The following VMP1 variants were observed in gnomAD, a reference collection of about 807,000 sequenced individuals.
VMP1 encodes the protein ectopic P-granules autophagy protein 3 homolog.
VMP1 carries 11 observed loss-of-function variants against 56.0 expected under a neutral mutation model. The observed-to-expected ratio is 0.20, with a 90% CI of 0.12 to 0.32. The LOEUF (loss-of-function observed/expected upper bound fraction) is 0.32, where lower values mean the gene tolerates loss of function less well. VMP1 is among the 10% of genes least tolerant of loss of function. The pLI, the probability that VMP1 is intolerant of heterozygous loss-of-function variation, is 1.00. For synonymous variants in VMP1, 149 were observed against 165.0 expected, an observed-to-expected ratio of 0.90 and a Z score of 0.74; for missense variants, 296 against 490.3, an observed-to-expected ratio of 0.60 and a Z score of 3.74.
intron 7 of VMP1, among the ~76,000 whole-genome samples, chr17:59,775,723 C>T (rs1261796689): frequency 6.6e-6 from 1 of 152,228 alleles, no homozygotes; most frequent in East Asian, 1.9e-4. Flanking sequence ...GTATTCTAGA[C>T]AGTGTCCTCA....
At chr17:59,741,442 G>T (rs1434181192) in intron 5 of VMP1, among the ~76,000 whole-genome samples, 2 of 152,062 alleles carry the variant, frequency 1.3e-5, no homozygotes, top group East Asian at 3.9e-4. Context: ...ACAAAAGATG[G>T]TATAGATCTT....
rs1236183511 is a variant in VMP1, at chr17:59,765,082, G to A, written c.526G>A (p.Gly176Arg). The A allele has an allele frequency of 3.1e-6, 5 of 1,613,970 alleles. No individual in the cohort carries two copies. The highest frequency in any genetic ancestry group is 3.4e-6 in the Non-Finnish European group (4 of 1,180,000). The change falls in exon 6 of 12, where the codon GGA becomes AGA. Residue 176 changes from glycine (G) to arginine (R), a missense_variant. Around this residue, in one of 4 missense-constraint regions of VMP1, gnomAD observed 126 missense variants for 231.6 expected, o/e 0.54. Transcript: ENST00000262291. ...IICPDEEGTE[G>R]TISLWSIISK... ...TTGTCCAGATGAAGAGGGCACTGAA[G>A]GAACCATTTCTTTGTGGAGTATCAT... is the stretch of plus-strand genomic sequence containing the variant.
chr17:59,792,090 A>G (rs1322611442), intron 7 of VMP1, among the ~76,000 whole-genome samples: 1 of 152,064 alleles, frequency 6.6e-6, no homozygotes. Flanking sequence ...TAGGAAACAT[A>G]GTGAAACCCC....
chr17:59,733,237 T>C (rs535916743), intron 2 of VMP1, among the ~76,000 whole-genome samples: 7 of 152,044 alleles, frequency 4.6e-5, no homozygotes, highest in Non-Finnish European at 1.0e-4. Flanking sequence ...TTCTTTCCAT[T>C]GTACGAGTGT....
At chr17:59,820,630 T>C (rs1295102026) in intron 10 of VMP1, among the ~76,000 whole-genome samples, 2 of 152,234 alleles carry the variant, frequency 1.3e-5, no homozygotes, top group Admixed American at 1.3e-4. Context: ...CTTATAGTTA[T>C]ATTGTTACAC....
At chr17:59,729,637 T>C (rs1359820718) in intron 1 of VMP1, 2 of 152,046 alleles carry the variant, frequency 1.3e-5, no homozygotes, top group African/African-American at 4.8e-5. Flanking sequence ...GCAGTTCCGA[T>C]TTCTCCACAT....
Position 59,839,870 on chromosome 17 carries a change from C to A in VMP1, c.1180C>A (p.Arg394=), listed in dbSNP as rs1390536649. 1.2e-6 allele frequency: 2 copies of A among 1,612,516 alleles called. No individual in the cohort carries two copies. The highest frequency in any genetic ancestry group is 1.7e-6 in the Non-Finnish European group (2 of 1,179,738). The stretch of plus-strand genomic sequence containing the variant: ...CTCCATGGCACAAAGTTATGCCAAA[C>A]GAATCCAGCAGCGGTTGAACTCAGA... ...INSMAQSYAK[R]IQQRLNSEEK... The change falls in exon 12 of 12, where the codon CGA becomes AGA. Residue 394 remains arginine, a synonymous_variant. Transcript: ENST00000262291.
chr17:59,732,327 C>T (rs983554500), intron 2 of VMP1, among the ~76,000 whole-genome samples: 3 of 152,154 alleles, frequency 2.0e-5, no homozygotes, highest in African/African-American at 7.2e-5. Context: ...CTCACTGCAA[C>T]CTCCGCCTCC....
intron 7 of VMP1, among the ~76,000 whole-genome samples, chr17:59,784,469 C>T (rs1337802836): frequency 1.3e-5 from 2 of 152,074 alleles, no homozygotes; most frequent in Admixed American, 6.6e-5. Flanking sequence ...CTATCTCAGC[C>T]CAGCTATGTC....
chr17:59,764,680 T>G (rs1484042651), intron 5 of VMP1, among the ~76,000 whole-genome samples: 1 of 152,176 alleles, frequency 6.6e-6, no homozygotes, highest in Non-Finnish European at 1.5e-5. Flanking sequence ...TGTGGTTATA[T>G]GGCTGAATAT....
intron 6 of VMP1, among the ~76,000 whole-genome samples, chr17:59,772,950 C>CTT (rs1179269248): frequency 0.071 from 3,952 of 55,726 alleles, 1,261 homozygotes; most frequent in Non-Finnish European, 0.077. Context: ...CTGGTGAATT[C>CTT]TTTTTTTTTT....
At chr17:59,772,426 GA>G (rs1366374782) in intron 6 of VMP1, among the ~76,000 whole-genome samples, 1 of 152,128 alleles carries the variant, frequency 6.6e-6, no homozygotes, top group Admixed American at 6.6e-5. Flanking sequence ...TTTGGAGGCA[GA>G]ACCATAAGAC....
chr17:59,781,913 C>T (rs954864105), intron 7 of VMP1, among the ~76,000 whole-genome samples: 5 of 151,882 alleles, frequency 3.3e-5, no homozygotes, highest in African/African-American at 9.7e-5. Flanking sequence ...TGTTTTGTTA[C>T]ATGTTACTTT....
At chr17:59,733,487 C>T (rs2034910444) in intron 2 of VMP1, among the ~76,000 whole-genome samples, 1 of 151,818 alleles carries the variant, frequency 6.6e-6, no homozygotes. Context: ...CACTTGAGGT[C>T]AGGAGTTTGA....
In VMP1 at chr17:59,842,015, A is replaced by G. The variant is rs1388367553; in HGVS notation, c.*2104A>G. On this transcript the variant is annotated 3_prime_UTR_variant, in exon 12 of 12. Coordinates refer to ENST00000262291, the MANE Select transcript of VMP1 (RefSeq NM_030938.5). ...TCCTTCTTTCCTCTTTTAAGTGTTC[A>G]GCTGTGGCATGCTCAGAGGTTCCTG... The G allele has an allele frequency of 1.3e-5, 2 of 152,228 alleles. No individual in the cohort carries two copies. The highest frequency in any genetic ancestry group is 2.9e-5 in the Non-Finnish European group (2 of 68,048). The allele number at this position is 152,228 out of a possible 1,614,324, so 9.4% of individuals were successfully genotyped here.
At chr17:59,727,428 C>T (rs1002558383) in intron 1 of VMP1, among the ~76,000 whole-genome samples, 5 of 152,184 alleles carry the variant, frequency 3.3e-5, no homozygotes, top group African/African-American at 7.2e-5. Flanking sequence ...GCCATCATGC[C>T]TGGCCCTGTT....
At chr17:59,764,087 A>G (rs2036149886) in intron 5 of VMP1, among the ~76,000 whole-genome samples, 1 of 152,272 alleles carries the variant, frequency 6.6e-6, no homozygotes. Context: ...TTTTTGCTTT[A>G]TGATCTCACT....
At chr17:59,827,444 G>A (rs2038677552) in intron 10 of VMP1, among the ~76,000 whole-genome samples, 2 of 151,928 alleles carry the variant, frequency 1.3e-5, no homozygotes, top group Non-Finnish European at 2.9e-5. Context: ...AGCCTCCCAA[G>A]CAGCTAAGAC....
chr17:59,835,124 C>G, intron 10 of VMP1, among the ~76,000 whole-genome samples: 1 of 150,872 alleles, frequency 6.6e-6, no homozygotes, highest in African/African-American at 2.4e-5. Context: ...TGTTTTTTTG[C>G]TTTTTTGTTT....
Sources: gnomAD v4.1 joint callset for allele counts (sites outside exome capture counted in the v4.1 genomes callset) on GRCh38, gnomAD v4.1.1 for gene constraint, gnomAD v4.1.1 regional missense constraint, MANE v1.5 for transcripts, NCBI Gene and HGNC (gene_info 2026-07-23, HGNC 2026-07-21) for gene names.